Variants in KLRG1 observed in about 807,000 individuals in gnomAD.
KLRG1 encodes killer cell lectin-like receptor subfamily G member 1.
A neutral mutation model predicts 21.8 loss-of-function variants in KLRG1; 16 were observed. The ratio of observed to expected loss-of-function variants is 0.73; its 90% CI spans 0.50 to 1.11. KLRG1 has a LOEUF of 1.11. Among genes scored for constraint, KLRG1 ranks in the 50% most tolerant of loss-of-function variants. KLRG1 has a pLI of 0.00. For synonymous variants in KLRG1, 69 were observed against 75.9 expected (o/e 0.91, Z 0.47); for missense variants, 173 against 218.3 (o/e 0.79, Z 1.31).
the KLRG1 span, among the ~76,000 whole-genome samples, chr12:9,024,203 T>C: frequency 6.6e-6 from 1 of 151,792 alleles, no homozygotes; most frequent in Non-Finnish European, 1.5e-5. Flanking sequence ...AATTTTTGTA[T>C]TTTTAATAGA....
chr12:9,185,814 C>CTTTTCTTTTCTTTTCTTTTCTTTT, the KLRG1 span, among the ~76,000 whole-genome samples: 1 of 147,294 alleles, frequency 6.8e-6, no homozygotes, highest in Non-Finnish European at 1.5e-5. Context: ...CTTTTCTTTT[C>CTTTTCTTTTCTTTTCTTTTCTTTT]TTTTTTTTTT....
intron 1 of KLRG1, 91 bp downstream of exon 1, chr12:8,989,808 C>A: frequency 1.4e-6 from 1 of 737,336 alleles, no homozygotes; most frequent in Non-Finnish European, 2.3e-6. Flanking sequence ...GCAGAGGGTG[C>A]AGAAGAATTG....
chr12:9,029,749 T>C, the KLRG1 span, among the ~76,000 whole-genome samples: 1 of 152,170 alleles, frequency 6.6e-6, no homozygotes, highest in Non-Finnish European at 1.5e-5. Flanking sequence ...AATAAGTCTG[T>C]ATTTTTAATT....
chr12:9,062,710 T>G, the KLRG1 span, among the ~76,000 whole-genome samples: 1 of 147,858 alleles, frequency 6.8e-6, no homozygotes, highest in East Asian at 1.9e-4. Flanking sequence ...TTATAATATA[T>G]TTATTATATT....
At chr12:9,178,672 G>A in the KLRG1 span, among the ~76,000 whole-genome samples, 7 of 152,192 alleles carry the variant, frequency 4.6e-5, no homozygotes, top group Admixed American at 1.3e-4. Flanking sequence ...TACAGCACGC[G>A]ATAAGTGCTT....
chr12:9,009,105 G>A (rs1432649082), intron 4 of KLRG1, 30 bp downstream of exon 4: 2 of 1,540,174 alleles, frequency 1.3e-6, no homozygotes, highest in Non-Finnish European at 1.8e-6. Flanking sequence ...TGCAAAAAAA[G>A]AGAGAGAGGA....
At chr12:9,159,976 G>C in the KLRG1 span, 1 of 1,613,950 alleles carries the variant, frequency 6.2e-7, no homozygotes, top group East Asian at 2.2e-5. Flanking sequence ...GTTCCCCAAA[G>C]GTGCTGTAGG....
the KLRG1 span, chr12:9,157,979 G>A: frequency 9.1e-6 from 7 of 768,554 alleles, no homozygotes; most frequent in Middle Eastern, 2.3e-4. Flanking sequence ...CTCTCGACAG[G>A]TTCTTGCTCT....
chr12:8,993,053 TATATC>T (rs1397903847), intron 2 of KLRG1, among the ~76,000 whole-genome samples: 1 of 150,208 alleles, frequency 6.7e-6, no homozygotes, highest in African/African-American at 2.5e-5. Flanking sequence ...ACATAATAGA[TATATC>T]ATAATGTAAT....
the KLRG1 span, among the ~76,000 whole-genome samples, chr12:9,083,575 T>C: frequency 5.9e-5 from 9 of 151,438 alleles, no homozygotes; most frequent in African/African-American, 2.2e-4. Context: ...AGCTCAAAGA[T>C]AGAGTATTTG....
chr12:9,090,412 C>A, the KLRG1 span: 3 of 1,613,986 alleles, frequency 1.9e-6, no homozygotes, highest in Non-Finnish European at 2.5e-6. Context: ...TGCACAGATG[C>A]AGTGAGGCGC....
the KLRG1 span, chr12:9,201,348 CTATA>C: frequency 6.4e-7 from 1 of 1,556,872 alleles, no homozygotes; most frequent in East Asian, 2.2e-5. Context: ...TCAGTGGAAT[CTATA>C]TGATAAAAGG....
At chr12:9,077,319 T>G in the KLRG1 span, 1 of 1,595,996 alleles carries the variant, frequency 6.3e-7, no homozygotes, top group Non-Finnish European at 8.6e-7. Context: ...GAACTCTCCT[T>G]CAGCAGAGGA....
chr12:9,153,412 CT>C, the KLRG1 span: 1 of 1,312,020 alleles, frequency 7.6e-7, no homozygotes. Context: ...CCCCCAAAGT[CT>C]GTGTTAGCCT....
chr12:9,030,221 G>A, the KLRG1 span, among the ~76,000 whole-genome samples: 3 of 152,126 alleles, frequency 2.0e-5, no homozygotes, highest in African/African-American at 7.2e-5. Flanking sequence ...TGATGAGAAC[G>A]GGTAGTGGAT....
At chr12:8,977,702 G>A (rs892574467) in intron 1 of KLRG1, among the ~76,000 whole-genome samples, 3 of 151,912 alleles carry the variant, frequency 2.0e-5, no homozygotes, top group Non-Finnish European at 2.9e-5. Context: ...TTTTTATAGT[G>A]AATTGCTTTG....
chr12:9,174,522 A>G, the KLRG1 span, among the ~76,000 whole-genome samples: 1 of 152,174 alleles, frequency 6.6e-6, no homozygotes, highest in South Asian at 2.1e-4. Flanking sequence ...GGAAGAGAGA[A>G]AGTCAAATTA....
chr12:8,998,651 T>C (rs945653029), intron 3 of KLRG1, among the ~76,000 whole-genome samples: 2 of 148,612 alleles, frequency 1.3e-5, no homozygotes, highest in African/African-American at 2.5e-5. Flanking sequence ...ATCACACCAC[T>C]GCACTCCAGC....
the KLRG1 span, among the ~76,000 whole-genome samples, chr12:9,139,161 C>T: frequency 6.6e-6 from 1 of 151,698 alleles, no homozygotes; most frequent in Non-Finnish European, 1.5e-5. Flanking sequence ...CTTTAAATTC[C>T]TTCTTGATTC....
Sources: gnomAD v4.1 joint callset for allele counts (sites outside exome capture counted in the v4.1 genomes callset) on GRCh38, gnomAD v4.1.1 for gene constraint, MANE v1.5 for transcripts, NCBI Gene and HGNC (gene_info 2026-07-23, HGNC 2026-07-21) for gene names.